Variants in KIRREL3 observed in about 807,000 individuals in gnomAD.
The protein encoded by KIRREL3 is kirre like nephrin family adhesion molecule 3, also known as kin of IRRE-like protein 3.
In KIRREL3, 36 loss-of-function variants were observed where a neutral mutation model predicts 89.7. The observed-to-expected ratio is 0.40, with a 90% CI of 0.31 to 0.53. The LOEUF (loss-of-function observed/expected upper bound fraction) is 0.53, where lower values mean the gene tolerates loss of function less well. KIRREL3 is among the 20% of genes least tolerant of loss of function. The pLI, the probability that KIRREL3 is intolerant of heterozygous loss-of-function variation, is 0.49. For synonymous variants in KIRREL3, 445 were observed against 441.4 expected (o/e 1.01, Z -0.10); for missense variants, 864 against 1,056.6 (o/e 0.82, Z 2.53).
chr11:126,693,466 T>C (rs1946959246), intron 1 of KIRREL3, among the ~76,000 whole-genome samples: 1 of 152,074 alleles, frequency 6.6e-6, no homozygotes, highest in Non-Finnish European at 1.5e-5. Flanking sequence ...AAAAACTGGC[T>C]ATCAGGAGAT....
In KIRREL3 at chr11:126,773,043, T is replaced by C. The variant is rs1950065597; in HGVS notation, c.56-210131A>G. Among the ~76,000 whole-genome samples the C allele has an allele frequency of 6.6e-6, 1 of 152,200 alleles. No homozygotes were observed. The highest frequency in any genetic ancestry group is 6.5e-5 in the Admixed American group (1 of 15,280). On this transcript the variant is annotated intron_variant, in intron 1 of 16. Transcript: ENST00000525144. This position sits in a 1 kb window ranked among gnomAD's most constrained non-coding sequence, Gnocchi z 4.2. ...AAGGTATCATGGTTCTCCAAAGAGT[T>C]CCTAAAGGAAAAGACTGTTGTTGAC...
In KIRREL3 at chr11:126,508,229, A is replaced by G. The variant is rs1421385677; in HGVS notation, c.433+13086T>C. ...TGTGAAAGTGTGACACATTTTTTGG[A>G]AGCCAGTTTTTTCGGGTTGTGGGAC... On this transcript the variant is annotated intron_variant, in intron 4 of 16. Transcript: ENST00000525144. This position sits in a 1 kb window ranked among gnomAD's most constrained non-coding sequence, Gnocchi z 4.9. Among the ~76,000 whole-genome samples the G allele has an allele frequency of 6.6e-6, 1 of 152,118 alleles. No homozygotes were observed. Among genetic ancestry groups the G allele is most frequent in the African/African-American group, 2.4e-5 (1 of 41,416 alleles).
chr11:126,455,900 G>A lies in KIRREL3; in HGVS notation c.848+449C>T, dbSNP rs1956322890. 6.6e-6 allele frequency among the ~76,000 whole-genome samples: 1 copy of A among 152,062 alleles called. No individual in the cohort carries two copies. Among genetic ancestry groups the A allele is most frequent in the Non-Finnish European group, 1.5e-5 (1 of 68,016 alleles). ...ACACACAGGGGCCATGAGTAAGTGT[G>A]ATCCCGGATGCTCACTGGACTGGGC... On this transcript the variant is annotated intron_variant, in intron 7 of 16. Transcript: ENST00000525144. The surrounding 1 kb of genome is among the most constrained non-coding windows in gnomAD (Gnocchi z 6.4).
chr11:126,961,593 CT>C (rs1046769360), intron 1 of KIRREL3, among the ~76,000 whole-genome samples: 13 of 152,326 alleles, frequency 8.5e-5, no homozygotes, highest in Admixed American at 7.8e-4. Context: ...AAGAAACCAT[CT>C]CCATAACATA....
At chr11:126,650,064 G>A (rs1241177157) in intron 1 of KIRREL3, among the ~76,000 whole-genome samples, 1 of 152,234 alleles carries the variant, frequency 6.6e-6, no homozygotes, top group Non-Finnish European at 1.5e-5. Flanking sequence ...TGAAGCCATG[G>A]CCTGAGCTCT....
In KIRREL3 at chr11:126,485,008, C is replaced by T. The variant is rs942765547; in HGVS notation, c.434-11542G>A. ...TATTTTTTGGTACTTTTGGTGGAGA[C>T]GGGGTTTCGTCATGTTGGCCAGGCT... On this transcript the variant is annotated intron_variant, in intron 4 of 16. Coordinates refer to ENST00000525144, the MANE Select transcript of KIRREL3 (RefSeq NM_032531.4). The surrounding 1 kb of genome is among the most constrained non-coding windows in gnomAD (Gnocchi z 5.8). Among the ~76,000 whole-genome samples, 10 of 152,094 alleles carry T rather than the reference C, an allele frequency of 6.6e-5. No individual in the cohort carries two copies. Among genetic ancestry groups the T allele is most frequent in the African/African-American group, 2.2e-4 (9 of 41,510 alleles).
intron 1 of KIRREL3, among the ~76,000 whole-genome samples, chr11:126,803,254 C>G (rs1407622973): frequency 1.3e-5 from 2 of 152,060 alleles, no homozygotes; most frequent in Non-Finnish European, 2.9e-5. Flanking sequence ...GGAAAGGCCA[C>G]ACAGGGATGA....
intron 4 of KIRREL3, among the ~76,000 whole-genome samples, chr11:126,478,109 C>G (rs1363308835): frequency 6.6e-6 from 1 of 152,244 alleles, no homozygotes; most frequent in Non-Finnish European, 1.5e-5. Flanking sequence ...GACCCTGGCC[C>G]CACTGCGTCT....
At position 126,883,100 on chromosome 11, in the gene KIRREL3, G is replaced by A. The variant is rs184581105; in HGVS notation, c.55+117355C>T. On this transcript the variant is annotated intron_variant, in intron 1 of 16. Coordinates refer to ENST00000525144, the MANE Select transcript of KIRREL3 (RefSeq NM_032531.4). The surrounding 1 kb of genome is among the most constrained non-coding windows in gnomAD (Gnocchi z 4.1). ...TCCTCGTTTAAGTGACAGCAGGTAGGGTTTGTTACTTTAATTCACTTTGCC... is the reference window on the plus strand; with the variant it reads ...TCCTCGTTTAAGTGACAGCAGGTAGAGTTTGTTACTTTAATTCACTTTGCC... 1.3e-5 allele frequency among the ~76,000 whole-genome samples: 2 copies of A among 152,150 alleles called. No individual in the cohort carries two copies. The highest frequency in any genetic ancestry group is 4.8e-5 in the African/African-American group (2 of 41,440).
At chr11:126,588,295 A>C (rs1445941850) in intron 1 of KIRREL3, among the ~76,000 whole-genome samples, 1 of 152,230 alleles carries the variant, frequency 6.6e-6, no homozygotes, top group African/African-American at 2.4e-5. Flanking sequence ...TCTGAGCCCC[A>C]GTTTCCTAAT....
chr11:126,487,618 C>T (rs1211536230), intron 4 of KIRREL3, among the ~76,000 whole-genome samples: 2 of 152,204 alleles, frequency 1.3e-5, no homozygotes, highest in African/African-American at 4.8e-5. Flanking sequence ...TCAAAAAGTA[C>T]AAGCTTCTAC....
In KIRREL3 at chr11:126,728,358, T is replaced by C. The variant is rs544967484; in HGVS notation, c.56-165446A>G. Among the ~76,000 whole-genome samples the C allele has an allele frequency of 2.0e-5, 3 of 152,280 alleles. No individual in the cohort carries two copies. The East Asian group carries it at 5.8e-4, about 30-fold the overall frequency. On this transcript the variant is annotated intron_variant, in intron 1 of 16. Coordinates refer to ENST00000525144, the MANE Select transcript of KIRREL3 (RefSeq NM_032531.4). ...GTGTTCTCCCGTGGCATGCTGCACA[T>C]GCCTCTACTGTGCATGAGAGTGTGT...
Position 126,969,735 on chromosome 11 carries a change from G to C in KIRREL3, c.55+30720C>G, listed in dbSNP as rs1297717528. Among the ~76,000 whole-genome samples, 1 of 152,138 alleles carries C rather than the reference G, an allele frequency of 6.6e-6. No individual in the cohort carries two copies. Reference sequence around the variant, plus strand: ...GCTTATTTGAATAATTTTGCAGTGGGACCTGGCTCACTTTTGTAGATCCCT... The same window carrying C: ...GCTTATTTGAATAATTTTGCAGTGGCACCTGGCTCACTTTTGTAGATCCCT... On this transcript the variant is annotated intron_variant, in intron 1 of 16. Transcript: ENST00000525144. This position sits in a 1 kb window ranked among gnomAD's most constrained non-coding sequence, Gnocchi z 4.9.
At chr11:126,450,592 T>C (rs1318481386) in intron 7 of KIRREL3, among the ~76,000 whole-genome samples, 3 of 151,144 alleles carry the variant, frequency 2.0e-5, no homozygotes, top group African/African-American at 2.4e-5. Flanking sequence ...TGTGCATGTG[T>C]GCATGTGTGT....
At chr11:126,885,541 A>C (rs1462347410) in intron 1 of KIRREL3, among the ~76,000 whole-genome samples, 1 of 152,248 alleles carries the variant, frequency 6.6e-6, no homozygotes, top group Non-Finnish European at 1.5e-5. Flanking sequence ...TACAATGATC[A>C]TATCAATCAT....
At position 126,904,233 on chromosome 11, in the gene KIRREL3, G is replaced by C. The variant is rs1348667025; in HGVS notation, c.55+96222C>G. ...TTTATCATTTGGACACCGAACTTCA[G>C]ATGAGATATTCCAAGTTTCATTTAG... On this transcript the variant is annotated intron_variant, in intron 1 of 16. Coordinates refer to ENST00000525144, the MANE Select transcript of KIRREL3 (RefSeq NM_032531.4). The surrounding 1 kb of genome is among the most constrained non-coding windows in gnomAD (Gnocchi z 4.4). Among the ~76,000 whole-genome samples, 1 of 152,220 alleles carries C rather than the reference G, an allele frequency of 6.6e-6. No individual in the cohort carries two copies. The highest frequency in any genetic ancestry group is 1.5e-5 in the Non-Finnish European group (1 of 68,036).
chr11:126,937,108 G>T (rs1309243280), intron 1 of KIRREL3: 1 of 152,050 alleles, frequency 6.6e-6, no homozygotes, highest in Non-Finnish European at 1.5e-5. Flanking sequence ...CTTACATCAA[G>T]CAGAGACAAT....
Position 126,872,652 on chromosome 11 carries a change from T to C in KIRREL3, c.55+127803A>G, listed in dbSNP as rs1365038413. Reference sequence around the variant, plus strand: ...AAAAATGCTCCAGAGTGTCTATCTTTTCTTTCTCTGTCTCCCTCCTATCCC... The same window carrying C: ...AAAAATGCTCCAGAGTGTCTATCTTCTCTTTCTCTGTCTCCCTCCTATCCC... On this transcript the variant is annotated intron_variant, in intron 1 of 16. Coordinates refer to ENST00000525144, the MANE Select transcript of KIRREL3 (RefSeq NM_032531.4). The surrounding 1 kb of genome is among the most constrained non-coding windows in gnomAD (Gnocchi z 4.2). Among the ~76,000 whole-genome samples the C allele has an allele frequency of 6.6e-6, 1 of 152,224 alleles. No homozygotes were observed. The highest frequency in any genetic ancestry group is 2.4e-5 in the African/African-American group (1 of 41,456).
rs551993582 is a variant in KIRREL3 at position 126,684,936 on chromosome 11, C to G, written c.56-122024G>C. Among the ~76,000 whole-genome samples, 3 of 152,214 alleles carry G rather than the reference C, an allele frequency of 2.0e-5. No individual in the cohort carries two copies. The East Asian group carries it at 5.8e-4, about 29-fold the overall frequency. On this transcript the variant is annotated intron_variant, in intron 1 of 16. Coordinates refer to ENST00000525144, the MANE Select transcript of KIRREL3 (RefSeq NM_032531.4). The surrounding 1 kb of genome is among the most constrained non-coding windows in gnomAD (Gnocchi z 4.2). ...CAGGCTTCTTTGTCCTTGTCTCCCC[C>G]CTCCCTTTTGTCCTCTTCTCTCTTC... is the stretch of plus-strand genomic sequence containing the variant.
Sources: gnomAD v4.1 joint callset for allele counts (sites outside exome capture counted in the v4.1 genomes callset) on GRCh38, gnomAD v4.1.1 for gene constraint, Gnocchi (gnomAD v3.1) non-coding constraint, MANE v1.5 for transcripts, NCBI Gene and HGNC (gene_info 2026-07-23, HGNC 2026-07-21) for gene names.